The following TCERG1L variants were observed in gnomAD, a reference collection of about 807,000 sequenced individuals.
TCERG1L encodes the protein transcription elongation regulator 1-like protein.
A neutral mutation model predicts 56.3 loss-of-function variants in TCERG1L; 37 were observed. The observed-to-expected ratio is 0.66, with a 90% CI of 0.51 to 0.87. The LOEUF (loss-of-function observed/expected upper bound fraction) is 0.87. Among genes scored for constraint, TCERG1L ranks in the 40% least tolerant of loss-of-function variants. TCERG1L has a pLI of 0.00. For missense variants in TCERG1L, 799 were observed against 774.2 expected, an observed-to-expected ratio of 1.03 and a Z score of -0.38; for synonymous variants, 324 against 326.3, an observed-to-expected ratio of 0.99 and a Z score of 0.08.
rs138692272 is a variant in TCERG1L, at chr10:131,167,533, G to T, written c.857-648C>A. Among the ~76,000 whole-genome samples the T allele has an allele frequency of 2.2e-3, 333 of 152,342 alleles. 3 individuals are homozygous for T. Among genetic ancestry groups the T allele is most frequent in the African/African-American group, 7.6e-3 (314 of 41,584 alleles). ...GAACTGGGCCACGTGGGTCACAGAT[G>T]AATAGGACACAGGACCTTCCCAAGA... On this transcript the variant is annotated intron_variant, in intron 4 of 11. Coordinates refer to ENST00000368642, the MANE Select transcript of TCERG1L (RefSeq NM_174937.4).
chr10:131,217,909 A>G (rs1282138608), intron 4 of TCERG1L, among the ~76,000 whole-genome samples: 2 of 151,760 alleles, frequency 1.3e-5, no homozygotes, highest in Admixed American at 6.6e-5. Context: ...TATTTTTAGT[A>G]CAGACGAGGT....
chr10:131,277,787 C>T (rs1846408380), intron 3 of TCERG1L, among the ~76,000 whole-genome samples: 1 of 152,152 alleles, frequency 6.6e-6, no homozygotes, highest in African/African-American at 2.4e-5. Context: ...GACATCTGGT[C>T]AAAAGGTGCC....
At chr10:131,176,816 G>GTA (rs1846159403) in intron 4 of TCERG1L, among the ~76,000 whole-genome samples, 1 of 820 alleles carries the variant, frequency 1.2e-3, no homozygotes, top group Non-Finnish European at 3.1e-3. Flanking sequence ...AGAGACACAT[G>GTA]CACACACAGA....
chr10:131,299,729 G>A (rs539754227), intron 3 of TCERG1L, among the ~76,000 whole-genome samples: 1 of 152,056 alleles, frequency 6.6e-6, no homozygotes, highest in Admixed American at 6.5e-5. Context: ...ATCTTCAAAA[G>A]GTATAAAGTA....
At chr10:131,152,810 A>T (rs1435829166) in intron 6 of TCERG1L, among the ~76,000 whole-genome samples, 1 of 152,186 alleles carries the variant, frequency 6.6e-6, no homozygotes, top group Non-Finnish European at 1.5e-5. Flanking sequence ...GGAAACTTAC[A>T]ATCATGGCAG....
Position 131,098,236 on chromosome 10 carries a change from C to T in TCERG1L, c.1604+70G>A, listed in dbSNP as rs373809341. The T allele has an allele frequency of 1.3e-5, 20 of 1,488,058 alleles. No homozygotes were observed. In the East Asian group the frequency reaches 2.0e-4, roughly 15 times the overall value. 92.2% of individuals were successfully genotyped at this position (1,488,058 alleles called of 1,614,324 possible). ...GTTACACGATTTAACAAAAACAAACCTGAAGAGTCCTCTTGTCATTGGTAA... is the reference window on the plus strand; with the variant it reads ...GTTACACGATTTAACAAAAACAAACTTGAAGAGTCCTCTTGTCATTGGTAA... On this transcript the variant is annotated intron_variant, in intron 11 of 11. Coordinates refer to ENST00000368642, the MANE Select transcript of TCERG1L (RefSeq NM_174937.4).
intron 3 of TCERG1L, among the ~76,000 whole-genome samples, chr10:131,273,659 AT>A (rs1413828605): frequency 2.6e-5 from 4 of 152,076 alleles, no homozygotes; most frequent in Non-Finnish European, 5.9e-5. Flanking sequence ...GGAGGGCGTC[AT>A]TTCCCCCAGA....
chr10:131,157,392 A>G (rs1159297545), intron 6 of TCERG1L, among the ~76,000 whole-genome samples: 2 of 152,216 alleles, frequency 1.3e-5, no homozygotes, highest in Non-Finnish European at 2.9e-5. Context: ...AGTATTTTAA[A>G]TGATTTTAAG....
chr10:131,148,037 G>A (rs909712262), intron 6 of TCERG1L, among the ~76,000 whole-genome samples: 5 of 152,296 alleles, frequency 3.3e-5, no homozygotes, highest in South Asian at 2.1e-4. Flanking sequence ...AAGGTGTGCC[G>A]GCTCCACTAC....
At chr10:131,123,002 C>A (rs935573090) in intron 8 of TCERG1L, among the ~76,000 whole-genome samples, 1 of 152,218 alleles carries the variant, frequency 6.6e-6, no homozygotes. Context: ...ACTGTGGCAA[C>A]CTGCCTCGTT....
intron 4 of TCERG1L, among the ~76,000 whole-genome samples, chr10:131,179,808 T>C (rs1270627779): frequency 6.6e-6 from 1 of 152,140 alleles, no homozygotes; most frequent in African/African-American, 2.4e-5. Flanking sequence ...TGAGGGGTAG[T>C]AGGCTCTGCG....
chr10:131,270,582 C>A (rs1188517978), intron 3 of TCERG1L, among the ~76,000 whole-genome samples: 1 of 152,240 alleles, frequency 6.6e-6, no homozygotes, highest in Non-Finnish European at 1.5e-5. Flanking sequence ...GCGGAGCCAA[C>A]ATCTCCAGAA....
chr10:131,193,107 A>C (rs1325769315), intron 4 of TCERG1L, among the ~76,000 whole-genome samples: 2 of 152,218 alleles, frequency 1.3e-5, no homozygotes, highest in African/African-American at 4.8e-5. Flanking sequence ...TCTGATGACA[A>C]GTGATGTTAA....
chr10:131,164,564 C>A (rs1213682426), intron 5 of TCERG1L, among the ~76,000 whole-genome samples: 2 of 152,176 alleles, frequency 1.3e-5, no homozygotes, highest in African/African-American at 2.4e-5. Flanking sequence ...CCTCTTCCAG[C>A]TGTTTCCATG....
At chr10:131,121,772 C>T (rs1845516285) in intron 8 of TCERG1L, among the ~76,000 whole-genome samples, 1 of 152,196 alleles carries the variant, frequency 6.6e-6, no homozygotes, top group Non-Finnish European at 1.5e-5. Context: ...GCCAGGTCGC[C>T]CAGCTGCAGC....
At chr10:131,149,314 A>AGGTAG (rs139531173) in intron 6 of TCERG1L, among the ~76,000 whole-genome samples, 32,353 of 152,104 alleles carry the variant, frequency 0.21, 4,344 homozygotes, top group East Asian at 0.33. Flanking sequence ...AGCAGACTCC[A>AGGTAG]CACCCAGGTA....
chr10:131,195,032 C>T (rs1845343452), intron 4 of TCERG1L, among the ~76,000 whole-genome samples: 1 of 152,180 alleles, frequency 6.6e-6, no homozygotes, highest in Non-Finnish European at 1.5e-5. Flanking sequence ...GTGGCCAGAC[C>T]CTTTTAGTGC....
intron 4 of TCERG1L, among the ~76,000 whole-genome samples, chr10:131,244,480 TAA>T: frequency 6.6e-6 from 1 of 151,384 alleles, no homozygotes; most frequent in East Asian, 1.9e-4. Context: ...AGCAGCTGGC[TAA>T]GATTCTTTAA....
chr10:131,251,673 C>A (rs116118123), intron 4 of TCERG1L, among the ~76,000 whole-genome samples: 113 of 152,324 alleles, frequency 7.4e-4, no homozygotes, highest in African/African-American at 2.5e-3. Flanking sequence ...CTGTTTCTTA[C>A]TTAATGCTGT....
Sources: allele counts gnomAD v4.1 joint callset (sites outside exome capture counted in the v4.1 genomes callset), GRCh38; gene constraint gnomAD v4.1.1; transcripts MANE v1.5; gene names NCBI Gene and HGNC (gene_info 2026-07-23, HGNC 2026-07-21).